LPP: variants seen among roughly 807,000 people sequenced by gnomAD.
The protein encoded by LPP is LIM domain containing preferred translocation partner in lipoma.
LPP carries 38 observed loss-of-function variants against 60.4 expected under a neutral mutation model. That is an observed-to-expected ratio of 0.63 (90% CI 0.49 to 0.83). The LOEUF (loss-of-function observed/expected upper bound fraction) is 0.83. Ranked by LOEUF, LPP falls within the 40% of genes least tolerant of loss-of-function variation. The probability of loss-of-function intolerance (pLI) is 0.00; values close to 1 mark genes in which losing one functional copy is unlikely to be tolerated. For missense variants in LPP, 902 were observed against 783.6 expected (o/e 1.15, Z -1.80); for synonymous variants, 328 against 290.8 (o/e 1.13, Z -1.30).
In LPP at chr3:188,524,688, TGAG is replaced by T. The variant is rs1819966224; in HGVS notation, c.334_336del (p.Glu112del). On this transcript the variant is annotated inframe_deletion, in exon 6 of 12. Transcript: ENST00000617246. Reference sequence around the variant, plus strand: ...AGGGGAATCCCGGAGGCAAGACACTTGAGGAGAGGCGCTCCAGCCTGGACGCTG... The same window carrying T: ...AGGGGAATCCCGGAGGCAAGACACTTGAGAGGCGCTCCAGCCTGGACGCTG... 2.5e-6 allele frequency: 4 copies of T among 1,613,862 alleles called. No individual in the cohort carries two copies. The Admixed American group carries it at 5.0e-5, about 20-fold the overall frequency.
At chr3:188,732,290 A>G (rs532104169) in intron 8 of LPP, among the ~76,000 whole-genome samples, 1 of 152,330 alleles carries the variant, frequency 6.6e-6, no homozygotes, top group African/African-American at 2.4e-5. Flanking sequence ...AAATGAAATG[A>G]ATAAAATTAT....
chr3:188,719,092 A>T (rs565569006), intron 8 of LPP, among the ~76,000 whole-genome samples: 3 of 152,100 alleles, frequency 2.0e-5, no homozygotes, highest in African/African-American at 7.2e-5. Context: ...TTTGGACTTG[A>T]TCTCTTTTGC....
At chr3:188,529,242 A>T (rs1017384456) in intron 6 of LPP, among the ~76,000 whole-genome samples, 1 of 152,228 alleles carries the variant, frequency 6.6e-6, no homozygotes, top group Non-Finnish European at 1.5e-5. Context: ...TCTATAGTAG[A>T]CGGTGTTGTG....
intron 3 of LPP, among the ~76,000 whole-genome samples, chr3:188,346,348 C>T (rs1471121222): frequency 6.7e-6 from 1 of 149,636 alleles, no homozygotes; most frequent in African/African-American, 2.5e-5. Flanking sequence ...CAGCCTCCGC[C>T]TCCCAGGTTC....
intron 7 of LPP, among the ~76,000 whole-genome samples, chr3:188,612,721 T>G (rs972118745): frequency 2.6e-5 from 4 of 152,340 alleles, no homozygotes; most frequent in Admixed American, 2.6e-4. Flanking sequence ...ACAATTATAC[T>G]TTATTACATT....
intron 7 of LPP, among the ~76,000 whole-genome samples, chr3:188,666,503 G>A (rs1210076765): frequency 1.3e-5 from 2 of 152,206 alleles, no homozygotes; most frequent in Non-Finnish European, 2.9e-5. Flanking sequence ...TCTGGCCTCA[G>A]TAATTCTCTG....
intron 9 of LPP, among the ~76,000 whole-genome samples, chr3:188,825,076 A>G (rs1755025582): frequency 6.6e-6 from 1 of 152,180 alleles, no homozygotes; most frequent in Non-Finnish European, 1.5e-5. Flanking sequence ...TTCTATGTGC[A>G]ATGTCTGAGT....
chr3:188,864,437 CAT>C (rs1766072578), intron 9 of LPP, among the ~76,000 whole-genome samples: 1 of 152,222 alleles, frequency 6.6e-6, no homozygotes, highest in South Asian at 2.1e-4. Flanking sequence ...ATTCTTAAGA[CAT>C]AGTCTCTGCC....
intron 7 of LPP, among the ~76,000 whole-genome samples, chr3:188,650,702 A>G (rs576466308): frequency 2.0e-5 from 3 of 152,352 alleles, no homozygotes; most frequent in Admixed American, 1.3e-4. Context: ...TTTGATTATT[A>G]GGATTTTACA....
intron 8 of LPP, among the ~76,000 whole-genome samples, chr3:188,750,620 G>A (rs1392225298): frequency 6.6e-6 from 1 of 152,046 alleles, no homozygotes; most frequent in African/African-American, 2.4e-5. Context: ...GCAACCGAGT[G>A]AGACTCCATC....
chr3:188,833,899 G>A (rs1310970370), intron 9 of LPP, among the ~76,000 whole-genome samples: 1 of 152,122 alleles, frequency 6.6e-6, no homozygotes, highest in Non-Finnish European at 1.5e-5. Context: ...TTTCATATAT[G>A]TATTTTTCAG....
intron 9 of LPP, among the ~76,000 whole-genome samples, chr3:188,811,500 C>T (rs375517189): frequency 6.6e-5 from 10 of 151,524 alleles, no homozygotes; most frequent in East Asian, 5.8e-4. Context: ...GTAGATAGTG[C>T]GTAAGAATTG....
chr3:188,390,329 A>C (rs1299300942), intron 3 of LPP, among the ~76,000 whole-genome samples: 2 of 151,914 alleles, frequency 1.3e-5, no homozygotes, highest in Non-Finnish European at 2.9e-5. Flanking sequence ...CTATATTTAC[A>C]TTTTCTTTTG....
intron 7 of LPP, among the ~76,000 whole-genome samples, chr3:188,677,223 T>C (rs556634604): frequency 6.6e-6 from 1 of 152,300 alleles, no homozygotes; most frequent in African/African-American, 2.4e-5. Flanking sequence ...ATAATAAATG[T>C]ATGTTGTTTT....
intron 7 of LPP, among the ~76,000 whole-genome samples, chr3:188,688,511 G>T (rs990399795): frequency 6.6e-6 from 1 of 152,196 alleles, no homozygotes; most frequent in Non-Finnish European, 1.5e-5. Flanking sequence ...TTGGAAGATG[G>T]AAGTGTGGTA....
At chr3:188,242,365 T>C (rs1178035361) in intron 2 of LPP, among the ~76,000 whole-genome samples, 1 of 148,284 alleles carries the variant, frequency 6.7e-6, no homozygotes, top group Non-Finnish European at 1.5e-5. Flanking sequence ...TATTGTATTA[T>C]AAAAAGAAAG....
intron 4 of LPP, among the ~76,000 whole-genome samples, chr3:188,451,352 C>G (rs1796548915): frequency 6.6e-6 from 1 of 152,120 alleles, no homozygotes; most frequent in Non-Finnish European, 1.5e-5. Context: ...GAGAGGCATA[C>G]TGGCTATTCA....
chr3:188,432,515 C>A (rs1194482000), intron 4 of LPP, among the ~76,000 whole-genome samples: 1 of 151,558 alleles, frequency 6.6e-6, no homozygotes, highest in African/African-American at 2.4e-5. Flanking sequence ...TCAGAGAGGT[C>A]TTTGTGTGTA....
chr3:188,763,495 AT>A (rs1733085185), intron 9 of LPP, among the ~76,000 whole-genome samples: 1 of 151,986 alleles, frequency 6.6e-6, no homozygotes. Context: ...GATTTTTAAT[AT>A]TTTCCTGTGG....
Sources: gnomAD v4.1 joint callset for allele counts (sites outside exome capture counted in the v4.1 genomes callset) on GRCh38, gnomAD v4.1.1 for gene constraint, MANE v1.5 for transcripts, NCBI Gene and HGNC (gene_info 2026-07-23, HGNC 2026-07-21) for gene names.